NT5DC1: variants seen among roughly 807,000 people sequenced by gnomAD.
NT5DC1 encodes 5'-nucleotidase domain-containing protein 1.
A neutral mutation model predicts 59.4 loss-of-function variants in NT5DC1; 42 were observed. The ratio of observed to expected loss-of-function variants is 0.71; its 90% CI spans 0.55 to 0.92. NT5DC1 has a LOEUF of 0.92. NT5DC1 is among the 40% of genes least tolerant of loss of function. The probability of loss-of-function intolerance (pLI) is 0.00; values close to 1 mark genes in which losing one functional copy is unlikely to be tolerated. For missense variants in NT5DC1, 501 were observed against 537.1 expected (o/e 0.93, Z 0.66); for synonymous variants, 172 against 188.1 (o/e 0.91, Z 0.70).
intron 6 of NT5DC1, among the ~76,000 whole-genome samples, chr6:116,125,084 A>G (rs1166043257): frequency 6.6e-6 from 1 of 152,200 alleles, no homozygotes; most frequent in East Asian, 1.9e-4. Flanking sequence ...TCTGAGAAAA[A>G]AATTTGTACA....
chr6:116,206,592 C>A (rs1217106912), intron 6 of NT5DC1, among the ~76,000 whole-genome samples: 1 of 151,994 alleles, frequency 6.6e-6, no homozygotes, highest in East Asian at 1.9e-4. Context: ...TAGCAACTCT[C>A]CTTACATCAA....
At chr6:116,229,921 C>T (rs1781985363) in intron 8 of NT5DC1, among the ~76,000 whole-genome samples, 1 of 152,222 alleles carries the variant, frequency 6.6e-6, no homozygotes, top group African/African-American at 2.4e-5. Flanking sequence ...CTAGGCAGCT[C>T]CACTCAGTGT....
rs183407687 is a variant in NT5DC1 at position 116,194,170 on chromosome 6, T to G, written c.530-26884T>G. On this transcript the variant is annotated intron_variant, in intron 6 of 11. Coordinates refer to ENST00000319550, the MANE Select transcript of NT5DC1 (RefSeq NM_152729.3). Reference sequence around the variant, plus strand: ...GTCCAATCAGAATGTACAAAAAATGTGACATGATTTTGAGCAGTTGTGAAA... The same window carrying G: ...GTCCAATCAGAATGTACAAAAAATGGGACATGATTTTGAGCAGTTGTGAAA... Among the ~76,000 whole-genome samples the G allele has an allele frequency of 7.6e-4, 116 of 152,224 alleles. 2 individuals are homozygous for G. The highest frequency in any genetic ancestry group is 6.9e-3 in the Admixed American group (106 of 15,282).
intron 7 of NT5DC1, among the ~76,000 whole-genome samples, chr6:116,221,873 A>G (rs745816235): frequency 2.0e-5 from 3 of 152,222 alleles, no homozygotes; most frequent in Non-Finnish European, 4.4e-5. Context: ...AGAATTAGAC[A>G]GGAATAGTTG....
At chr6:116,143,885 T>G (rs1779826624) in intron 6 of NT5DC1, among the ~76,000 whole-genome samples, 1 of 152,224 alleles carries the variant, frequency 6.6e-6, no homozygotes. Flanking sequence ...GTGTTTTCTC[T>G]GTTAGATTTT....
intron 6 of NT5DC1, among the ~76,000 whole-genome samples, chr6:116,201,356 C>T (rs1781343060): frequency 6.6e-6 from 1 of 151,974 alleles, no homozygotes; most frequent in South Asian, 2.1e-4. Flanking sequence ...GGGCATATTG[C>T]ACTGTATAAA....
At chr6:116,214,038 A>C (rs1397596388) in intron 6 of NT5DC1, among the ~76,000 whole-genome samples, 1 of 152,084 alleles carries the variant, frequency 6.6e-6, no homozygotes, top group Non-Finnish European at 1.5e-5. Flanking sequence ...TCTTCTCCAT[A>C]ATTTAATGAG....
chr6:116,247,597 T>C lies in NT5DC1; in HGVS notation c.*3573T>C, dbSNP rs1455953287. On this transcript the variant is annotated 3_prime_UTR_variant, in exon 12 of 12. Coordinates refer to ENST00000319550, the MANE Select transcript of NT5DC1 (RefSeq NM_152729.3). ...TTAGAATGACAACTGGAAAAGTACA[T>C]AGACTGCTTGCCAATCAGTTTGTTG... 1 of 152,196 alleles carries C rather than the reference T, an allele frequency of 6.6e-6. No homozygotes were observed. The highest frequency in any genetic ancestry group is 2.4e-5 in the African/African-American group (1 of 41,464). 9.4% of individuals were successfully genotyped at this position (152,196 alleles called of 1,614,324 possible).
chr6:116,230,706 T>G (rs551387678), intron 8 of NT5DC1, among the ~76,000 whole-genome samples: 1 of 152,312 alleles, frequency 6.6e-6, no homozygotes, highest in South Asian at 2.1e-4. Context: ...ACACCTCCTT[T>G]GCGATACCTT....
chr6:116,109,255 A>G (rs895412924), intron 3 of NT5DC1, among the ~76,000 whole-genome samples: 1 of 152,202 alleles, frequency 6.6e-6, no homozygotes, highest in Non-Finnish European at 1.5e-5. Flanking sequence ...TTCTTTTTGC[A>G]TGATGCAAAC....
At chr6:116,224,600 G>A (rs1434572210) in intron 8 of NT5DC1, among the ~76,000 whole-genome samples, 5 of 152,226 alleles carry the variant, frequency 3.3e-5, no homozygotes, top group Non-Finnish European at 7.3e-5. Flanking sequence ...CAGAGGAAGA[G>A]TGTTCCTGGC....
At chr6:116,186,523 G>C (rs1781002857) in intron 6 of NT5DC1, among the ~76,000 whole-genome samples, 1 of 151,766 alleles carries the variant, frequency 6.6e-6, no homozygotes, top group Non-Finnish European at 1.5e-5. Flanking sequence ...TTGTTCTTAG[G>C]TTTGGTCATT....
intron 5 of NT5DC1, among the ~76,000 whole-genome samples, chr6:116,117,471 T>C (rs1778987732): frequency 6.6e-6 from 1 of 152,176 alleles, no homozygotes. Flanking sequence ...AACCCATCGT[T>C]AAGTCAAAAA....
At chr6:116,203,898 G>A (rs1288327099) in intron 6 of NT5DC1, among the ~76,000 whole-genome samples, 1 of 151,824 alleles carries the variant, frequency 6.6e-6, no homozygotes, top group Non-Finnish European at 1.5e-5. Context: ...TTTGCCACTT[G>A]ATATCTATAA....
At chr6:116,154,904 A>G (rs78188073) in intron 6 of NT5DC1, among the ~76,000 whole-genome samples, 4,429 of 152,272 alleles carry the variant, frequency 0.029, 237 homozygotes, top group African/African-American at 0.1. Context: ...TCTTCATAAG[A>G]TAAAAATAAA....
intron 6 of NT5DC1, among the ~76,000 whole-genome samples, chr6:116,139,042 A>C (rs1215420777): frequency 2.0e-5 from 3 of 152,186 alleles, no homozygotes; most frequent in Non-Finnish European, 2.9e-5. Context: ...ATGATTTAGA[A>C]AATGACTGAT....
chr6:116,162,114 G>A (rs983827770), intron 6 of NT5DC1, among the ~76,000 whole-genome samples: 2 of 152,110 alleles, frequency 1.3e-5, no homozygotes, highest in African/African-American at 4.8e-5. Context: ...ACTGATTATG[G>A]TGTGTTAATT....
chr6:116,120,634 A>AGGCCCTGGT, intron 6 of NT5DC1: 9 of 1,553,304 alleles, frequency 5.8e-6, no homozygotes, highest in Non-Finnish European at 7.8e-6. Flanking sequence ...TTGGACCTGG[A>AGGCCCTGGT]GGCCCTGGTG....
intron 6 of NT5DC1, among the ~76,000 whole-genome samples, chr6:116,147,553 A>C (rs1449448476): frequency 6.6e-6 from 1 of 152,230 alleles, no homozygotes; most frequent in Non-Finnish European, 1.5e-5. Context: ...GTTCATTTTA[A>C]AAAGTATTTA....
Sources: allele counts gnomAD v4.1 joint callset (sites outside exome capture counted in the v4.1 genomes callset), GRCh38; gene constraint gnomAD v4.1.1; transcripts MANE v1.5; gene names NCBI Gene and HGNC (gene_info 2026-07-23, HGNC 2026-07-21).